The following IGF1R variants were observed in gnomAD, a reference collection of about 807,000 sequenced individuals.
IGF1R encodes the protein insulin like growth factor 1 receptor, also known as insulin-like growth factor 1 receptor.
IGF1R carries 44 observed loss-of-function variants against 144.6 expected under a neutral mutation model. The ratio of observed to expected loss-of-function variants is 0.30; its 90% confidence interval spans 0.24 to 0.39. The LOEUF is 0.39. Ranked by LOEUF, IGF1R falls within the 10% of genes least tolerant of loss-of-function variation. The probability of loss-of-function intolerance (pLI) is 1.00; values close to 1 mark genes in which losing one functional copy is unlikely to be tolerated. For missense variants in IGF1R, 1,355 were observed against 1,833.7 expected (o/e 0.74, Z 4.77); for synonymous variants, 795 against 722.8 (o/e 1.10, Z -1.60).
chr15:98,689,758 G>A (rs1160687431), intron 1 of IGF1R, among the ~76,000 whole-genome samples: 1 of 152,160 alleles, frequency 6.6e-6, no homozygotes, highest in Non-Finnish European at 1.5e-5. Context: ...ATGCCCCAGT[G>A]GAGAACAGCA....
chr15:98,701,495 C>A (rs893923879), intron 1 of IGF1R, among the ~76,000 whole-genome samples: 2 of 151,960 alleles, frequency 1.3e-5, no homozygotes, highest in Non-Finnish European at 2.9e-5. Context: ...CGCCACCACA[C>A]CCGGCTAATT....
At chr15:98,680,763 A>G (rs1461812983) in intron 1 of IGF1R, among the ~76,000 whole-genome samples, 2 of 151,746 alleles carry the variant, frequency 1.3e-5, no homozygotes, top group Non-Finnish European at 2.9e-5. Context: ...GTAGAAATGG[A>G]ATCTCACTAT....
chr15:98,796,893 C>T (rs554057984), intron 2 of IGF1R, among the ~76,000 whole-genome samples: 8 of 152,310 alleles, frequency 5.3e-5, no homozygotes, highest in African/African-American at 1.9e-4. Context: ...TGGATGTGTT[C>T]GAAGGCTCTC....
chr15:98,865,867 T>C (rs1841956577), intron 2 of IGF1R, among the ~76,000 whole-genome samples: 1 of 152,104 alleles, frequency 6.6e-6, no homozygotes, highest in African/African-American at 2.4e-5. Context: ...CACCCTAGTG[T>C]ATCTTTAAAC....
intron 5 of IGF1R, 44 bp from the exon 6 acceptor site, chr15:98,908,639 CTG>C: frequency 2.0e-6 from 3 of 1,477,528 alleles, no homozygotes; most frequent in Non-Finnish European, 2.8e-6. Flanking sequence ...CTAGAGGGGA[CTG>C]TGGCCAAGGG....
chr15:98,781,066 GAGCCACATTTGTGCCGCTGTAC>G (rs2055850656), intron 2 of IGF1R, among the ~76,000 whole-genome samples: 1 of 152,186 alleles, frequency 6.6e-6, no homozygotes, highest in Admixed American at 6.5e-5. Flanking sequence ...AGACTACAGT[GAGCCACATTTGTGCCGCTGTAC>G]TCCAGCCTGG....
chr15:98,830,714 C>T (rs1567150797), intron 2 of IGF1R, among the ~76,000 whole-genome samples: 1 of 151,800 alleles, frequency 6.6e-6, no homozygotes, highest in East Asian at 1.9e-4. Context: ...AGCAATTCTC[C>T]TGCGTCAGCC....
intron 2 of IGF1R, among the ~76,000 whole-genome samples, chr15:98,749,569 G>T (rs2054954236): frequency 6.6e-6 from 1 of 152,162 alleles, no homozygotes; most frequent in Admixed American, 6.5e-5. Context: ...GGCCTCACTT[G>T]TTATTTAATA....
At chr15:98,752,846 C>G (rs1018184040) in intron 2 of IGF1R, among the ~76,000 whole-genome samples, 3 of 151,498 alleles carry the variant, frequency 2.0e-5, no homozygotes, top group African/African-American at 7.3e-5. Context: ...CAATCAATAT[C>G]AAATATTGCA....
intron 1 of IGF1R, among the ~76,000 whole-genome samples, chr15:98,672,051 T>G (rs540866971): frequency 6.6e-6 from 1 of 152,360 alleles, no homozygotes; most frequent in Non-Finnish European, 1.5e-5. Flanking sequence ...AGTGAGTTGC[T>G]TAGCCAGGGT....
intron 2 of IGF1R, among the ~76,000 whole-genome samples, chr15:98,796,338 C>A (rs1376717810): frequency 1.3e-5 from 2 of 152,198 alleles, no homozygotes; most frequent in Non-Finnish European, 2.9e-5. Flanking sequence ...GCTTTTCATT[C>A]TTGGAAAGAT....
Position 98,649,548 on chromosome 15 carries a change from TTGA to T in IGF1R, c.-33_-31del. The T allele has an allele frequency of 1.5e-6, 1 of 686,440 alleles. No homozygotes were observed. Among genetic ancestry groups the T allele is most frequent in the Non-Finnish European group, 2.2e-6 (1 of 451,358 alleles). 42.5% of individuals were successfully genotyped at this position (686,440 alleles called of 1,614,324 possible). On this transcript the variant is annotated 5_prime_UTR_variant, in exon 1 of 21. Transcript: ENST00000650285. ...TTCTTTTTTTTTTTTTTTTTTTTTT[TTGA>T]GAAAGGGGAATTTCATCCCAAATAA...
intron 2 of IGF1R, among the ~76,000 whole-genome samples, chr15:98,886,842 T>C (rs1005948347): frequency 8.5e-5 from 13 of 152,264 alleles, no homozygotes; most frequent in African/African-American, 2.9e-4. Flanking sequence ...ATCCCACACT[T>C]GCTCACGTTC....
chr15:98,841,997 A>G (rs1312189433), intron 2 of IGF1R, among the ~76,000 whole-genome samples: 1 of 152,204 alleles, frequency 6.6e-6, no homozygotes, highest in Non-Finnish European at 1.5e-5. Flanking sequence ...ACTCCTTGCT[A>G]TGATGCCATT....
intron 1 of IGF1R, among the ~76,000 whole-genome samples, chr15:98,673,964 C>A (rs1325371393): frequency 6.6e-6 from 1 of 152,156 alleles, no homozygotes; most frequent in East Asian, 1.9e-4. Context: ...CCATGTTTCT[C>A]TTGTCTAGAG....
At chr15:98,689,689 C>T (rs1007509415) in intron 1 of IGF1R, among the ~76,000 whole-genome samples, 2 of 152,186 alleles carry the variant, frequency 1.3e-5, no homozygotes, top group Admixed American at 6.5e-5. Flanking sequence ...TAGGTTCTTG[C>T]CACACTTTGC....
chr15:98,808,848 T>C (rs146955579), intron 2 of IGF1R, among the ~76,000 whole-genome samples: 306 of 151,982 alleles, frequency 2.0e-3, no homozygotes, highest in Non-Finnish European at 3.5e-3. Flanking sequence ...TCTGGCTAAT[T>C]TTTATTTGTA....
chr15:98,951,525 A>G (rs1315341856), intron 20 of IGF1R, among the ~76,000 whole-genome samples: 1 of 152,244 alleles, frequency 6.6e-6, no homozygotes, highest in Non-Finnish European at 1.5e-5. Flanking sequence ...TATCTCTCAG[A>G]GGTTTCTGAA....
At chr15:98,905,414 T>A (rs965930583) in intron 5 of IGF1R, among the ~76,000 whole-genome samples, 4 of 151,944 alleles carry the variant, frequency 2.6e-5, no homozygotes, top group African/African-American at 9.7e-5. Flanking sequence ...CCCAGCACTT[T>A]GGAAGACCAT....
Sources: gnomAD v4.1 joint callset for allele counts (sites outside exome capture counted in the v4.1 genomes callset) on GRCh38, gnomAD v4.1.1 for gene constraint, MANE v1.5 for transcripts, NCBI Gene and HGNC (gene_info 2026-07-23, HGNC 2026-07-21) for gene names.